The following PPP3CB variants were observed in gnomAD, a reference collection of about 807,000 sequenced individuals.
PPP3CB encodes the protein protein phosphatase 3 catalytic subunit beta.
A neutral mutation model predicts 66.4 loss-of-function variants in PPP3CB; 8 were observed. That is an observed-to-expected ratio of 0.12 (90% CI 0.07 to 0.22). PPP3CB has a LOEUF of 0.22. Among genes scored for constraint, PPP3CB ranks in the 10% least tolerant of loss-of-function variants. The pLI, the probability that PPP3CB is intolerant of heterozygous loss-of-function variation, is 1.00. For synonymous variants in PPP3CB, 208 were observed against 221.2 expected (o/e 0.94, Z 0.53); for missense variants, 319 against 642.5 (o/e 0.50, Z 5.44).
chr10:73,471,772 A>G (rs2056705667), intron 4 of PPP3CB, among the ~76,000 whole-genome samples, 159 bp from the exon 5 acceptor site: 1 of 152,236 alleles, frequency 6.6e-6, no homozygotes. Context: ...CAACTGTAGT[A>G]ATAGCCCAGA....
chr10:73,437,248 CAT>C lies in PPP3CB; in HGVS notation c.*992_*993del, dbSNP rs2056084265. The C allele has an allele frequency of 6.6e-6, 1 of 152,638 alleles. No individual in the cohort carries two copies. Among genetic ancestry groups the C allele is most frequent in the Non-Finnish European group, 1.5e-5 (1 of 68,028 alleles). 9.5% of individuals were successfully genotyped at this position (152,638 alleles called of 1,614,324 possible). On this transcript the variant is annotated 3_prime_UTR_variant, in exon 14 of 14. Coordinates refer to ENST00000360663, the MANE Select transcript of PPP3CB (RefSeq NM_021132.4). ...TTTTAAAATTTCCTTTGCATTAAAA[CAT>C]AAAAATGATAGAAAGCCAGCAGCAA...
chr10:73,464,070 C>T (rs1319233824), intron 9 of PPP3CB, among the ~76,000 whole-genome samples: 2 of 152,166 alleles, frequency 1.3e-5, no homozygotes, highest in Admixed American at 6.5e-5. Flanking sequence ...GCTGGGATTA[C>T]AGGCGCCCGC....
chr10:73,452,911 G>GT, intron 10 of PPP3CB, among the ~76,000 whole-genome samples: 1 of 152,086 alleles, frequency 6.6e-6, no homozygotes. Flanking sequence ...GCTTTCAAAT[G>GT]TTTAAGAATC....
chr10:73,495,774 C>A, intron 1 of PPP3CB, 31 bp downstream of exon 1: 1 of 1,567,124 alleles, frequency 6.4e-7, no homozygotes, highest in South Asian at 1.1e-5. Flanking sequence ...GCTCTTCAGG[C>A]CAGGCCCCCA....
chr10:73,446,790 A>T (rs1227843183), intron 10 of PPP3CB, among the ~76,000 whole-genome samples: 5 of 152,228 alleles, frequency 3.3e-5, no homozygotes, highest in African/African-American at 1.2e-4. Flanking sequence ...TAAATATAGA[A>T]ATAAAAAGTA....
At chr10:73,463,124 C>T (rs186676272) in intron 9 of PPP3CB, among the ~76,000 whole-genome samples, 1 of 152,174 alleles carries the variant, frequency 6.6e-6, no homozygotes, top group Admixed American at 6.5e-5. Context: ...ATATCCAAGT[C>T]ATCTCCAACC....
intron 12 of PPP3CB, 46 bp downstream of exon 12, chr10:73,444,679 G>T (rs1161957339): frequency 6.2e-7 from 1 of 1,612,506 alleles, no homozygotes; most frequent in African/African-American, 1.3e-5. Context: ...AGAGTGAGGT[G>T]TGCCCCAGTC....
intron 1 of PPP3CB, among the ~76,000 whole-genome samples, chr10:73,493,163 C>A (rs1163925738): frequency 6.6e-6 from 1 of 151,776 alleles, no homozygotes; most frequent in African/African-American, 2.4e-5. Flanking sequence ...ATAATCCCAG[C>A]TACTCGGGAG....
In PPP3CB at chr10:73,479,330, T is replaced by G. The variant is rs748078649; in HGVS notation, c.273A>C (p.Glu91Asp). Residue 91 changes from glutamate to aspartate, a missense_variant, in exon 2 of 14, where the codon GAA becomes GAC. Around this residue, in one of 5 missense-constraint regions of PPP3CB, gnomAD observed 104 missense variants for 128.4 expected, o/e 0.81. Transcript: ENST00000360663. ...GAATAAGCTTACCTGTGATTGGAGC[T>G]TCTACTTCTATCATGGTTTTCTCTC... ...LRREKTMIEV[E>D]APITVCGDIH... is the part of the protein sequence containing the mutation. The G allele has an allele frequency of 6.2e-7, 1 of 1,613,916 alleles. No individual in the cohort carries two copies. Among genetic ancestry groups the G allele is most frequent in the Non-Finnish European group, 8.5e-7 (1 of 1,179,816 alleles).
At chr10:73,444,977 T>C (rs2056223667) in intron 11 of PPP3CB, among the ~76,000 whole-genome samples, 155 bp from the exon 12 acceptor site, 1 of 152,232 alleles carries the variant, frequency 6.6e-6, no homozygotes. Flanking sequence ...TTTTTCTATA[T>C]TTTAAGTGTT....
At chr10:73,449,109 A>C (rs761813344) in intron 10 of PPP3CB, among the ~76,000 whole-genome samples, 6 of 152,236 alleles carry the variant, frequency 3.9e-5, no homozygotes, top group Non-Finnish European at 7.3e-5. Flanking sequence ...AAAGGTAATG[A>C]CACAAATGAA....
At chr10:73,444,411 G>A in intron 12 of PPP3CB, 3 of 655,854 alleles carry the variant, frequency 4.6e-6, no homozygotes, top group Non-Finnish European at 7.2e-6. Flanking sequence ...GCTTTTAAAA[G>A]AAAAGGGTGA....
chr10:73,477,061 G>C, intron 3 of PPP3CB: 1 of 466,612 alleles, frequency 2.1e-6, no homozygotes, highest in Admixed American at 2.5e-5. Flanking sequence ...CACATTGCCT[G>C]GCTATGCTGT....
Position 73,438,114 on chromosome 10 carries a change from T to A in PPP3CB, c.*128A>T, listed in dbSNP as rs575942606. ...CCTCCATCCAGGAAGGGGGCTAGGG[T>A]CTCAGAAGCACAATGGTTTCTTCAG... On this transcript the variant is annotated 3_prime_UTR_variant, in exon 14 of 14. Coordinates refer to ENST00000360663, the MANE Select transcript of PPP3CB (RefSeq NM_021132.4). 1.1e-6 allele frequency: 1 copy of A among 928,522 alleles called. No homozygotes were observed. The highest frequency in any genetic ancestry group is 2.7e-5 in the East Asian group (1 of 36,472). The allele number at this position is 928,522 out of a possible 1,614,324, so 57.5% of individuals were successfully genotyped here.
chr10:73,449,166 T>A (rs1287859324), intron 10 of PPP3CB, among the ~76,000 whole-genome samples: 2 of 152,210 alleles, frequency 1.3e-5, no homozygotes, highest in Non-Finnish European at 2.9e-5. Flanking sequence ...CTGCAAAATC[T>A]GTAGTACATT....
chr10:73,487,211 G>A (rs1180217331), intron 1 of PPP3CB, among the ~76,000 whole-genome samples: 1 of 152,024 alleles, frequency 6.6e-6, no homozygotes, highest in African/African-American at 2.4e-5. Context: ...TGGCCCACAA[G>A]TCTTATCCAT....
At chr10:73,475,106 C>A in intron 3 of PPP3CB, 76 bp from the exon 4 acceptor site, 1 of 1,500,972 alleles carries the variant, frequency 6.7e-7, no homozygotes, top group South Asian at 1.3e-5. Context: ...TGCTCCTTTT[C>A]CTCTACTACC....
At chr10:73,472,530 C>A (rs2132936459) in intron 4 of PPP3CB, among the ~76,000 whole-genome samples, 1 of 150,620 alleles carries the variant, frequency 6.6e-6, no homozygotes, top group South Asian at 2.1e-4. Context: ...CTCTTAAAAA[C>A]AGCTCAACCC....
chr10:73,473,524 G>A (rs760934222), intron 4 of PPP3CB, among the ~76,000 whole-genome samples: 17 of 152,100 alleles, frequency 1.1e-4, no homozygotes, highest in South Asian at 4.1e-4. Flanking sequence ...ACGTGGTGGC[G>A]CATGCCTGTA....
Sources: gnomAD v4.1 joint callset for allele counts (sites outside exome capture counted in the v4.1 genomes callset) on GRCh38, gnomAD v4.1.1 for gene constraint, gnomAD v4.1.1 regional missense constraint, MANE v1.5 for transcripts, NCBI Gene and HGNC (gene_info 2026-07-23, HGNC 2026-07-21) for gene names.